ERCC6L2: variants seen among roughly 807,000 people sequenced by gnomAD.
ERCC6L2 encodes ERCC excision repair 6 like 2.
ERCC6L2 carries 77 observed loss-of-function variants against 132.0 expected under a neutral mutation model. The observed-to-expected ratio is 0.58, with a 90% CI of 0.49 to 0.71. The LOEUF is 0.71. Ranked by LOEUF, ERCC6L2 falls within the 30% of genes least tolerant of loss-of-function variation. ERCC6L2 has a pLI of 0.00. For missense variants in ERCC6L2, 1,542 were observed against 1,837.6 expected (o/e 0.84, Z 2.94); for synonymous variants, 583 against 632.4 (o/e 0.92, Z 1.17).
Position 95,978,183 on chromosome 9 carries a change from C to A in ERCC6L2, c.3460C>A (p.Leu1154Met). 7.3e-7 allele frequency: 1 copy of A among 1,366,600 alleles called. No individual in the cohort carries two copies. The highest frequency in any genetic ancestry group is 1.9e-5 in the Admixed American group (1 of 52,388). 84.7% of individuals were successfully genotyped at this position (1,366,600 alleles called of 1,614,324 possible). A position where few individuals can be genotyped will look rare whatever the true frequency, so the allele number is the denominator to read the frequency against. The stretch of plus-strand genomic sequence containing the variant: ...ATTTGAGTTGAAGCAGTTTTCTCAG[C>A]TGCCTGCTAACATAGCTGTTTGCAG... ...DVFELKQFSQ[L>M]PANIAVCSSK... The change falls in exon 17 of 19, where the codon CTG becomes ATG. Residue 1154 changes from leucine to methionine, a missense_variant. Coordinates refer to ENST00000653738, the MANE Select transcript of ERCC6L2 (RefSeq NM_020207.7).
chr9:95,984,875 A>G (rs1241369905), intron 17 of ERCC6L2, among the ~76,000 whole-genome samples: 1 of 152,214 alleles, frequency 6.6e-6, no homozygotes, highest in East Asian at 1.9e-4. Flanking sequence ...AATTATCTGG[A>G]GATGACATTG....
intron 15 of ERCC6L2, 79 bp downstream of exon 15, chr9:95,970,735 T>G: frequency 9.5e-7 from 1 of 1,054,988 alleles, no homozygotes; most frequent in South Asian, 1.8e-5. Context: ...TCCTTTTTCC[T>G]TAATTTTATA....
chr9:96,039,710 T>C (rs1007205433), intron 20 of ERCC6L2, among the ~76,000 whole-genome samples: 4 of 152,136 alleles, frequency 2.6e-5, no homozygotes, highest in Admixed American at 2.6e-4. Context: ...CACAGCTGCC[T>C]GTAAACACCC....
chr9:95,979,288 A>G (rs1366029216), intron 17 of ERCC6L2, among the ~76,000 whole-genome samples: 2 of 152,198 alleles, frequency 1.3e-5, no homozygotes, highest in African/African-American at 2.4e-5. Flanking sequence ...TCTGGAAGCC[A>G]GGGATTCCAA....
intron 11 of ERCC6L2, among the ~76,000 whole-genome samples, chr9:95,936,023 A>G (rs1476588196): frequency 2.0e-5 from 3 of 152,160 alleles, no homozygotes; most frequent in Non-Finnish European, 1.5e-5. Context: ...AGAGAGGACA[A>G]TCAGAAGACC....
At chr9:95,991,909 T>G (rs1229376961) in intron 17 of ERCC6L2, among the ~76,000 whole-genome samples, 2 of 152,232 alleles carry the variant, frequency 1.3e-5, no homozygotes, top group Non-Finnish European at 2.9e-5. Flanking sequence ...TTTCAGATTT[T>G]TAATGAAATT....
intron 16 of ERCC6L2, among the ~76,000 whole-genome samples, chr9:95,976,359 T>A (rs989306191): frequency 6.6e-6 from 1 of 152,140 alleles, no homozygotes; most frequent in Non-Finnish European, 1.5e-5. Context: ...GGAGTTCTAG[T>A]GGTTGGCCTG....
At chr9:95,900,858 G>A (rs1170778381) in intron 3 of ERCC6L2, among the ~76,000 whole-genome samples, 1 of 152,090 alleles carries the variant, frequency 6.6e-6, no homozygotes, top group Non-Finnish European at 1.5e-5. Context: ...AAAGAAAAAC[G>A]TTAAATTTTT....
intron 11 of ERCC6L2, among the ~76,000 whole-genome samples, chr9:95,934,061 A>G (rs535961161): frequency 5.9e-4 from 90 of 152,294 alleles, no homozygotes; most frequent in African/African-American, 2.0e-3. Context: ...TTTGTGATAC[A>G]GTGTAGGCAG....
chr9:95,955,645 GA>G (rs1831562155), intron 12 of ERCC6L2, among the ~76,000 whole-genome samples: 1 of 148,742 alleles, frequency 6.7e-6, no homozygotes, highest in African/African-American at 2.6e-5. Flanking sequence ...CTGAATTTAG[GA>G]AATGTTTTTA....
chr9:95,913,886 A>G (rs1829457935), intron 4 of ERCC6L2, among the ~76,000 whole-genome samples: 1 of 152,168 alleles, frequency 6.6e-6, no homozygotes, highest in South Asian at 2.1e-4. Context: ...CTATCCTGTT[A>G]TTTTGTCCAT....
chr9:95,882,809 C>T (rs1377433217), intron 2 of ERCC6L2, among the ~76,000 whole-genome samples: 1 of 152,200 alleles, frequency 6.6e-6, no homozygotes, highest in Non-Finnish European at 1.5e-5. Context: ...ATAGTTTAGA[C>T]ATGCACACTG....
chr9:95,942,288 C>T (rs1398333901), intron 12 of ERCC6L2, among the ~76,000 whole-genome samples: 2 of 151,740 alleles, frequency 1.3e-5, no homozygotes, highest in African/African-American at 2.4e-5. Flanking sequence ...TGCACCTAGT[C>T]GTCATTTTAA....
intron 11 of ERCC6L2, among the ~76,000 whole-genome samples, chr9:95,937,088 G>T (rs1488322633): frequency 6.6e-6 from 1 of 152,158 alleles, no homozygotes; most frequent in African/African-American, 2.4e-5. Context: ...TAACATTTGT[G>T]TACAGACTTT....
chr9:95,962,893 T>A (rs1305044709), intron 13 of ERCC6L2, among the ~76,000 whole-genome samples: 1 of 152,140 alleles, frequency 6.6e-6, no homozygotes, highest in Non-Finnish European at 1.5e-5. Flanking sequence ...TATGTATAAA[T>A]AGCTTTAACT....
rs760364807 is a variant in ERCC6L2, at chr9:96,012,747, C to A, written c.4197C>A (p.Thr1399=). Residue 1399 remains threonine, a synonymous_variant, in exon 19 of 19, where the codon ACC becomes ACA. Transcript: ENST00000653738. The part of the protein sequence containing the change: ...SETRERRLEN[T]MKDQQDLTRT... ...CACGTGAGAGAAGGTTAGAAAATACCATGAAAGACCAACAGGACCTCACAA... is the reference window on the plus strand; with the variant it reads ...CACGTGAGAGAAGGTTAGAAAATACAATGAAAGACCAACAGGACCTCACAA... 1 of 1,367,360 alleles carries A rather than the reference C, an allele frequency of 7.3e-7. No individual in the cohort carries two copies. Among genetic ancestry groups the A allele is most frequent in the Non-Finnish European group, 9.8e-7 (1 of 1,021,828 alleles). 84.7% of individuals were successfully genotyped at this position (1,367,360 alleles called of 1,614,324 possible).
At chr9:95,933,110 A>C (rs1378385234) in intron 11 of ERCC6L2, among the ~76,000 whole-genome samples, 1 of 152,188 alleles carries the variant, frequency 6.6e-6, no homozygotes, top group Non-Finnish European at 1.5e-5. Context: ...CTCAACTAGT[A>C]GAGATCTTAT....
At chr9:96,033,250 T>TG (rs1462064591) in intron 19 of ERCC6L2, among the ~76,000 whole-genome samples, 1 of 113,886 alleles carries the variant, frequency 8.8e-6, no homozygotes, top group Non-Finnish European at 1.9e-5. Flanking sequence ...GATTCTGGGT[T>TG]GTTTTTTTTT....
chr9:95,941,870 T>C (rs993258092), intron 12 of ERCC6L2, among the ~76,000 whole-genome samples: 2 of 152,130 alleles, frequency 1.3e-5, no homozygotes, highest in African/African-American at 2.4e-5. Context: ...AGAAAGCAAG[T>C]AGAATCTGTG....
Sources: gnomAD v4.1 joint callset for allele counts (sites outside exome capture counted in the v4.1 genomes callset) on GRCh38, gnomAD v4.1.1 for gene constraint, MANE v1.5 for transcripts, NCBI Gene and HGNC (gene_info 2026-07-23, HGNC 2026-07-21) for gene names.